PTPN2: variants seen among roughly 807,000 people sequenced by gnomAD.
PTPN2 encodes the protein tyrosine-protein phosphatase non-receptor type 2.
In PTPN2, 19 loss-of-function variants were observed where a neutral mutation model predicts 57.3. That is an observed-to-expected ratio of 0.33 (90% CI 0.23 to 0.49). The LOEUF (loss-of-function observed/expected upper bound fraction) is 0.49, where lower values mean the gene tolerates loss of function less well. Ranked by LOEUF, PTPN2 falls within the 20% of genes least tolerant of loss-of-function variation. The probability of loss-of-function intolerance (pLI) is 0.99; values close to 1 mark genes in which losing one functional copy is unlikely to be tolerated. For synonymous variants in PTPN2, 153 were observed against 164.9 expected, an observed-to-expected ratio of 0.93 and a Z score of 0.55; for missense variants, 358 against 501.1, an observed-to-expected ratio of 0.71 and a Z score of 2.73.
exon 10 of PTPN2, chr18:12,785,654 G>A: frequency 1.5e-6 from 1 of 666,706 alleles, no homozygotes; most frequent in Admixed American, 2.8e-5. Flanking sequence ...TTCTGCTGGT[G>A]GGTGCTCTTC....
At chr18:12,836,512 T>C (rs1359346299) in intron 3 of PTPN2, among the ~76,000 whole-genome samples, 1 of 152,248 alleles carries the variant, frequency 6.6e-6, no homozygotes, top group Non-Finnish European at 1.5e-5. Context: ...CTGTGTCAGA[T>C]ATAATGTAAG....
chr18:12,817,410 T>G (rs2042114828), intron 5 of PTPN2, 45 bp from the exon 6 acceptor site: 2 of 1,480,316 alleles, frequency 1.4e-6, no homozygotes, highest in Admixed American at 3.6e-5. Flanking sequence ...AACTTTTTTC[T>G]TTTAAAAAAC....
chr18:12,872,991 T>A (rs2044320397), intron 1 of PTPN2, among the ~76,000 whole-genome samples: 2 of 152,048 alleles, frequency 1.3e-5, no homozygotes, highest in African/African-American at 4.8e-5. Context: ...GAGGCCAAGG[T>A]GGGTGGATCA....
At chr18:12,814,141 A>G in intron 7 of PTPN2, 62 bp downstream of exon 7, 1 of 1,215,144 alleles carries the variant, frequency 8.2e-7, no homozygotes, top group East Asian at 2.4e-5. Flanking sequence ...AGTGGAGTGC[A>G]GTTATTTGAT....
At position 12,817,423 on chromosome 18, in the gene PTPN2, C is replaced by T. The variant is rs2042115202; in HGVS notation, c.496-58G>A. The T allele has an allele frequency of 3.9e-6, 5 of 1,268,422 alleles. No homozygotes were observed. The South Asian group carries it at 6.3e-5, about 16-fold the overall frequency. The allele number at this position is 1,268,422 out of a possible 1,614,324, so 78.6% of individuals were successfully genotyped here. On this transcript the variant is annotated intron_variant, in intron 5 of 8. Coordinates refer to ENST00000309660, the MANE Select transcript of PTPN2 (RefSeq NM_002828.4). ...CTAACTTTTTTCTTTTAAAAAACTA[C>T]TTCAGAAAGATCATGTGTTTTATAT...
At chr18:12,843,276 G>A (rs3786158) in intron 2 of PTPN2, among the ~76,000 whole-genome samples, 43,976 of 151,932 alleles carry the variant, frequency 0.29, 6,877 homozygotes, top group South Asian at 0.54. Context: ...TCAGTGGCTC[G>A]AATGGACCAG....
chr18:12,883,870 CTTTTTTT>C, intron 1 of PTPN2, 196 bp downstream of exon 1: 1 of 388,936 alleles, frequency 2.6e-6, no homozygotes, highest in Non-Finnish European at 4.5e-6. Flanking sequence ...CTCAAGTATG[CTTTTTTT>C]TTTTTTTTTT....
At position 12,817,142 on chromosome 18, in the gene PTPN2, T is replaced by TA. The variant is rs1291540434; in HGVS notation, c.705+13dup. ...AATCAATGAGATTAAAATGAGATCG[T>TA]AAGAAGCACTTACCAAAACAAGACA... On this transcript the variant is annotated intron_variant, in intron 6 of 8. Coordinates refer to ENST00000309660, the MANE Select transcript of PTPN2 (RefSeq NM_002828.4). The TA allele has an allele frequency of 3.1e-6, 5 of 1,601,390 alleles. No individual in the cohort carries two copies. In the East Asian group the frequency reaches 1.1e-4, roughly 36 times the overall value.
At chr18:12,790,352 A>G (rs1385684941), downstream of PTPN2, among the ~76,000 whole-genome samples, 11 of 152,220 alleles carry the variant, frequency 7.2e-5, no homozygotes, top group Non-Finnish European at 1.6e-4. Flanking sequence ...AGTCAACCAA[A>G]ACACTTTTAA....
chr18:12,883,889 T>TTTA, intron 1 of PTPN2, 184 bp downstream of exon 1: 2 of 471,328 alleles, frequency 4.2e-6, no homozygotes, highest in Non-Finnish European at 7.4e-6. Flanking sequence ...TTTTTTTTTT[T>TTTA]AAACCAAAAG....
intron 6 of PTPN2, among the ~76,000 whole-genome samples, chr18:12,816,562 G>C (rs979043110): frequency 6.6e-6 from 1 of 152,134 alleles, no homozygotes; most frequent in African/African-American, 2.4e-5. Flanking sequence ...AAAAAATAAA[G>C]GTCCTAAAAA....
Position 12,874,533 on chromosome 18 carries a change from T to TC in PTPN2, c.69+9539_69+9540insG, listed in dbSNP as rs1555680794. Among the ~76,000 whole-genome samples the TC allele has an allele frequency of 8.8e-5, 5 of 57,078 alleles. 1 individual carries two copies. The highest frequency in any genetic ancestry group is 1.3e-4 in the Non-Finnish European group (4 of 29,892). The allele number at this position is 57,078 out of a possible 152,430, so 37.4% of individuals were successfully genotyped here. On this transcript the variant is annotated intron_variant, in intron 1 of 8. Coordinates refer to ENST00000309660, the MANE Select transcript of PTPN2 (RefSeq NM_002828.4). ...CCAGCCGCCCCGTCCGGGAGGAAGG[T>TC]GGGGGGGGGTCAGCTCCCCGCCCGG...
Position 12,844,541 on chromosome 18 carries a change from A to T in PTPN2, c.161-7650T>A, listed in dbSNP as rs140438818. ...CCTAATGGCTAATGAAGTTTTTTAT[A>T]TGTTCATAGGCTTATCTGCCATCTG... is the stretch of plus-strand genomic sequence containing the variant. On this transcript the variant is annotated intron_variant, in intron 2 of 8. Coordinates refer to ENST00000309660, the MANE Select transcript of PTPN2 (RefSeq NM_002828.4). 5.4e-3 allele frequency among the ~76,000 whole-genome samples: 824 copies of T among 152,218 alleles called. 10 individuals carry two copies. The highest frequency in any genetic ancestry group is 0.019 in the African/African-American group (789 of 41,530).
At chr18:12,859,906 A>C (rs150061548) in intron 1 of PTPN2, among the ~76,000 whole-genome samples, 1 of 152,074 alleles carries the variant, frequency 6.6e-6, no homozygotes, top group Admixed American at 6.5e-5. Context: ...TAATCCCAAC[A>C]CTTTGGGAGG....
intron 7 of PTPN2, among the ~76,000 whole-genome samples, chr18:12,804,564 C>T (rs957790048): frequency 6.6e-6 from 1 of 150,818 alleles, no homozygotes; most frequent in African/African-American, 2.4e-5. Flanking sequence ...GATATTACAA[C>T]TAATACCATA....
intron 3 of PTPN2, among the ~76,000 whole-genome samples, chr18:12,834,249 C>T (rs957899332): frequency 1.3e-5 from 2 of 151,704 alleles, no homozygotes; most frequent in African/African-American, 4.9e-5. Flanking sequence ...ATCACTTGAA[C>T]CCGGGAGGAG....
chr18:12,839,732 A>T (rs1394283284), intron 2 of PTPN2, among the ~76,000 whole-genome samples: 4 of 152,142 alleles, frequency 2.6e-5, no homozygotes, highest in Non-Finnish European at 1.5e-5. Context: ...TCACTGAGTA[A>T]ATGAAGAAAT....
chr18:12,825,422 G>A (rs76388618), intron 5 of PTPN2, among the ~76,000 whole-genome samples: 3,425 of 152,180 alleles, frequency 0.023, 127 homozygotes, highest in African/African-American at 0.079. Context: ...GAGGGAAGGC[G>A]TGGTAACCTC....
rs140497508 is a variant in PTPN2 at position 12,849,671 on chromosome 18, A to G, written c.160+9493T>C. On this transcript the variant is annotated intron_variant, in intron 2 of 8. Transcript: ENST00000309660. Reference sequence around the variant, plus strand: ...TATTATCTTTTTAATACATTGCTATATTCAGTTTGCTAATCCTTTGTTAGG... The same window carrying G: ...TATTATCTTTTTAATACATTGCTATGTTCAGTTTGCTAATCCTTTGTTAGG... 4.8e-3 allele frequency among the ~76,000 whole-genome samples: 737 copies of G among 152,328 alleles called. 1 individual carries two copies. Among genetic ancestry groups the G allele is most frequent in the Non-Finnish European group, 8.0e-3 (544 of 68,032 alleles).
Sources: gnomAD v4.1 joint callset for allele counts (sites outside exome capture counted in the v4.1 genomes callset) on GRCh38, gnomAD v4.1.1 for gene constraint, MANE v1.5 for transcripts, NCBI Gene and HGNC (gene_info 2026-07-23, HGNC 2026-07-21) for gene names.